Variants in ARL15 observed in about 807,000 individuals in gnomAD.
The protein encoded by ARL15 is ARF like GTPase 15, also known as ADP-ribosylation factor-like protein 15.
In ARL15, 19 loss-of-function variants were observed where a neutral mutation model predicts 25.2. The ratio of observed to expected loss-of-function variants is 0.75; its 90% CI spans 0.53 to 1.10. The LOEUF (loss-of-function observed/expected upper bound fraction) is 1.10. Among genes scored for constraint, ARL15 ranks in the 50% least tolerant of loss-of-function variants. The pLI is 0.00. For missense variants in ARL15, 220 were observed against 246.0 expected (o/e 0.89, Z 0.71); for synonymous variants, 94 against 86.8 (o/e 1.08, Z -0.46).
intron 4 of ARL15, among the ~76,000 whole-genome samples, chr5:54,018,664 A>AT (rs974846172): frequency 2.4e-4 from 37 of 152,050 alleles, no homozygotes; most frequent in African/African-American, 2.9e-4. Flanking sequence ...TCATTCACTG[A>AT]TTTTTTTTGT....
chr5:54,245,101 T>A (rs980723122), intron 1 of ARL15, among the ~76,000 whole-genome samples: 2 of 152,258 alleles, frequency 1.3e-5, no homozygotes, highest in African/African-American at 4.8e-5. Flanking sequence ...TCCTGACATC[T>A]TTATAAATTT....
chr5:53,995,608 T>C (rs944836712), intron 4 of ARL15, among the ~76,000 whole-genome samples: 3 of 152,022 alleles, frequency 2.0e-5, no homozygotes, highest in Non-Finnish European at 2.9e-5. Context: ...TCTTCAAGAG[T>C]AGTTTATCAT....
intron 4 of ARL15, among the ~76,000 whole-genome samples, chr5:54,015,280 G>A (rs577716416): frequency 1.5e-4 from 20 of 131,364 alleles, no homozygotes; most frequent in Non-Finnish European, 2.4e-4. Flanking sequence ...TAACAATAGC[G>A]AAACTCCATC....
At chr5:54,131,921 T>C (rs1753451580) in intron 3 of ARL15, among the ~76,000 whole-genome samples, 1 of 151,682 alleles carries the variant, frequency 6.6e-6, no homozygotes, top group Admixed American at 6.6e-5. Flanking sequence ...AAAAAAATTC[T>C]AGCCAATATG....
At chr5:54,225,348 G>C (rs1756490043) in intron 1 of ARL15, among the ~76,000 whole-genome samples, 1 of 152,198 alleles carries the variant, frequency 6.6e-6, no homozygotes. Context: ...AATGTACTAA[G>C]CATTAACACC....
chr5:53,925,592 C>T (rs115214860), intron 4 of ARL15, among the ~76,000 whole-genome samples: 290 of 152,242 alleles, frequency 1.9e-3, no homozygotes, highest in Non-Finnish European at 3.5e-3. Flanking sequence ...CGTTTGAGGT[C>T]AGGAGTTCGA....
chr5:54,289,116 T>A (rs1013583949), intron 1 of ARL15, among the ~76,000 whole-genome samples: 1 of 152,204 alleles, frequency 6.6e-6, no homozygotes, highest in East Asian at 1.9e-4. Flanking sequence ...AGATCGGCAA[T>A]TCCTTTGAAA....
At chr5:54,145,861 C>G (rs191373504) in intron 3 of ARL15, among the ~76,000 whole-genome samples, 5 of 152,228 alleles carry the variant, frequency 3.3e-5, no homozygotes, top group African/African-American at 1.2e-4. Flanking sequence ...TACAGTGAAC[C>G]CTTAAGATTA....
chr5:54,092,047 A>AACACACACACACACACACACACACACAC (rs758037549), intron 4 of ARL15, among the ~76,000 whole-genome samples: 45 of 146,308 alleles, frequency 3.1e-4, no homozygotes, highest in Admixed American at 1.6e-3. Flanking sequence ...TCAAATTGAA[A>AACACACACACACACACACACACACACAC]ACACACACAC....
chr5:54,259,830 T>C (rs10072320), intron 1 of ARL15, among the ~76,000 whole-genome samples: 2,391 of 152,246 alleles, frequency 0.016, 63 homozygotes, highest in African/African-American at 0.054. Flanking sequence ...CAAAAATCCT[T>C]TTCGTTCCTG....
At chr5:54,067,695 A>G (rs1398944184) in intron 4 of ARL15, among the ~76,000 whole-genome samples, 1 of 152,186 alleles carries the variant, frequency 6.6e-6, no homozygotes, top group Non-Finnish European at 1.5e-5. Flanking sequence ...CTCAGCATGA[A>G]CCATCGTCTT....
intron 4 of ARL15, among the ~76,000 whole-genome samples, chr5:53,940,017 C>T (rs374503517): frequency 4.1e-5 from 6 of 148,146 alleles, no homozygotes; most frequent in African/African-American, 1.5e-4. Flanking sequence ...CTCGCTCTGT[C>T]GCCCAGGCTG....
intron 4 of ARL15, chr5:53,951,682 A>G: frequency 1.0e-5 from 4 of 393,850 alleles, no homozygotes; most frequent in South Asian, 7.9e-5. Flanking sequence ...AAATATCAGT[A>G]AATAAATATA....
chr5:54,025,067 T>G (rs532417576), intron 4 of ARL15, among the ~76,000 whole-genome samples: 1 of 151,890 alleles, frequency 6.6e-6, no homozygotes, highest in Non-Finnish European at 1.5e-5. Context: ...CCAATAAAGA[T>G]AAAGGAAAAG....
At chr5:53,986,705 C>G (rs1694066) in intron 4 of ARL15, among the ~76,000 whole-genome samples, 54,305 of 152,032 alleles carry the variant, frequency 0.36, 10,613 homozygotes, top group Middle Eastern at 0.46. Context: ...GACAGAGTTT[C>G]AACTTTGTAG....
chr5:54,067,573 G>A (rs940777734), intron 4 of ARL15, among the ~76,000 whole-genome samples: 7 of 152,130 alleles, frequency 4.6e-5, no homozygotes, highest in African/African-American at 1.7e-4. Context: ...ATGCTATAAG[G>A]AAGGCCTAAT....
intron 4 of ARL15, among the ~76,000 whole-genome samples, chr5:53,932,777 C>T (rs949206843): frequency 6.6e-6 from 1 of 152,146 alleles, no homozygotes; most frequent in Admixed American, 6.5e-5. Flanking sequence ...CTGGCAATAG[C>T]AAAGCAGGCC....
At chr5:54,245,567 T>G (rs989476866) in intron 1 of ARL15, among the ~76,000 whole-genome samples, 4 of 152,118 alleles carry the variant, frequency 2.6e-5, no homozygotes, top group Admixed American at 2.0e-4. Flanking sequence ...CTAAGCACTC[T>G]TGCTCTGTGA....
intron 1 of ARL15, among the ~76,000 whole-genome samples, chr5:54,243,084 C>CA (rs945788015): frequency 6.6e-6 from 1 of 152,014 alleles, no homozygotes; most frequent in African/African-American, 2.4e-5. Flanking sequence ...ATTACATCTC[C>CA]AAGTATCAAC....
Sources: allele counts gnomAD v4.1 joint callset (sites outside exome capture counted in the v4.1 genomes callset), GRCh38; gene constraint gnomAD v4.1.1; transcripts MANE v1.5; gene names NCBI Gene and HGNC (gene_info 2026-07-23, HGNC 2026-07-21).